CLDN10: variants seen among roughly 807,000 people sequenced by gnomAD.
CLDN10 encodes claudin 10.
In CLDN10, 15 loss-of-function variants were observed where a neutral mutation model predicts 22.9. That is an observed-to-expected ratio of 0.65 (90% confidence interval 0.44 to 1.01). CLDN10 has a LOEUF of 1.01. Among genes scored for constraint, CLDN10 ranks in the 50% least tolerant of loss-of-function variants. CLDN10 has a pLI of 0.00. For missense variants in CLDN10, 247 were observed against 287.8 expected (o/e 0.86, Z 1.03); for synonymous variants, 114 against 111.4 (o/e 1.02, Z -0.15).
chr13:95,556,891 T>C (rs540452062), intron 1 of CLDN10, among the ~76,000 whole-genome samples: 1 of 152,384 alleles, frequency 6.6e-6, no homozygotes, highest in Admixed American at 6.5e-5. Context: ...ACACATAATT[T>C]GGAAAACACT....
chr13:95,577,905 C>A lies in CLDN10; in HGVS notation c.578C>A (p.Thr193Lys). Residue 193 changes from threonine to lysine, a missense_variant, in exon 5 of 5, where the codon ACA becomes AAA. Transcript: ENST00000299339. ...ISDNNKTPRY[T>K]YNGATSVMSS... ...AACTATGTTTTACCTTTCAGATACA[C>A]ATACAACGGGGCCACATCTGTCATG... 6.2e-7 allele frequency: 1 copy of A among 1,608,662 alleles called. No individual in the cohort carries two copies. The highest frequency in any genetic ancestry group is 8.5e-7 in the Non-Finnish European group (1 of 1,175,556).
chr13:95,481,981 T>C (rs1343300441), intron 1 of CLDN10, among the ~76,000 whole-genome samples: 2 of 152,166 alleles, frequency 1.3e-5, no homozygotes, highest in Non-Finnish European at 2.9e-5. Context: ...ATCGCACCAC[T>C]ACACTCCAGC....
At chr13:95,462,964 TA>T (rs2042548319) in intron 1 of CLDN10, among the ~76,000 whole-genome samples, 1 of 152,126 alleles carries the variant, frequency 6.6e-6, no homozygotes, top group South Asian at 2.1e-4. Flanking sequence ...CTTGTTCCCC[TA>T]ATCAGTGGCT....
At chr13:95,505,009 A>G (rs545956885) in intron 1 of CLDN10, among the ~76,000 whole-genome samples, 2 of 152,368 alleles carry the variant, frequency 1.3e-5, no homozygotes, top group East Asian at 3.9e-4. Context: ...AGAACGTTTA[A>G]CTATTGAAGG....
chr13:95,448,955 T>A (rs2042407357), intron 1 of CLDN10, among the ~76,000 whole-genome samples: 1 of 152,062 alleles, frequency 6.6e-6, no homozygotes, highest in South Asian at 2.1e-4. Context: ...GCCAGGCTTG[T>A]CCTGAACTCC....
intron 1 of CLDN10, among the ~76,000 whole-genome samples, chr13:95,465,620 C>T (rs3898012): frequency 0.1 from 15,157 of 152,268 alleles, 1,024 homozygotes; most frequent in East Asian, 0.28. Flanking sequence ...GAGAAATACA[C>T]ACACTTCCTA....
chr13:95,569,118 A>T (rs1190919927), intron 3 of CLDN10, among the ~76,000 whole-genome samples: 1 of 152,232 alleles, frequency 6.6e-6, no homozygotes, highest in African/African-American at 2.4e-5. Flanking sequence ...TTTTAGGGAT[A>T]CTGACCCTAA....
intron 1 of CLDN10, among the ~76,000 whole-genome samples, chr13:95,521,170 A>C (rs1289239643): frequency 1.3e-5 from 2 of 152,114 alleles, no homozygotes; most frequent in African/African-American, 2.4e-5. Context: ...TTCTTATACC[A>C]TTTGTTTCTT....
intron 3 of CLDN10, among the ~76,000 whole-genome samples, chr13:95,573,758 G>C (rs1297722067): frequency 1.4e-5 from 2 of 147,464 alleles, no homozygotes; most frequent in East Asian, 2.0e-4. Flanking sequence ...TAAGTTCTAG[G>C]GTACATGTGC....
exon 1 of CLDN10, chr13:95,433,929 G>A: frequency 1.2e-6 from 2 of 1,614,192 alleles, no homozygotes; most frequent in Non-Finnish European, 1.7e-6. Flanking sequence ...AAGTGACCAC[G>A]CGAGCCTCCT....
intron 1 of CLDN10, among the ~76,000 whole-genome samples, chr13:95,534,968 A>C (rs2043385032): frequency 6.6e-6 from 1 of 152,212 alleles, no homozygotes; most frequent in South Asian, 2.1e-4. Context: ...CACGCCACCA[A>C]GAATGAGAGA....
intron 3 of CLDN10, among the ~76,000 whole-genome samples, chr13:95,568,089 A>G (rs762129344): frequency 5.9e-5 from 9 of 152,196 alleles, no homozygotes; most frequent in Non-Finnish European, 1.2e-4. Context: ...CCTTGTCAAG[A>G]TGTTTAATTT....
Position 95,534,065 on chromosome 13 carries a change from A to C in CLDN10, c.215-26067A>C, listed in dbSNP as rs927231786. Among the ~76,000 whole-genome samples, 6 of 152,174 alleles carry C rather than the reference A, an allele frequency of 3.9e-5. 1 individual carries two copies. The highest frequency in any genetic ancestry group is 4.1e-4 in the South Asian group (2 of 4,826). ...TCCTTTATTAGAGAGCATTTGATTC[A>C]GTTTATAATTACATGGTCACTGAGG... is the stretch of plus-strand genomic sequence containing the variant. On this transcript the variant is annotated intron_variant, in intron 1 of 4. Coordinates refer to the CLDN10 transcript ENST00000376873.
chr13:95,520,019 T>C (rs944621176), intron 1 of CLDN10, among the ~76,000 whole-genome samples: 5 of 127,140 alleles, frequency 3.9e-5, no homozygotes, highest in Admixed American at 7.6e-5. Flanking sequence ...GGGAATATAG[T>C]GTGTGTGTGT....
intron 3 of CLDN10, among the ~76,000 whole-genome samples, chr13:95,572,825 C>T (rs889391632): frequency 1.9e-4 from 29 of 152,170 alleles, no homozygotes; most frequent in African/African-American, 6.8e-4. Context: ...CATGTCATTT[C>T]TGTGTAGGTA....
At chr13:95,515,347 C>T (rs1174242957) in intron 1 of CLDN10, among the ~76,000 whole-genome samples, 1 of 152,204 alleles carries the variant, frequency 6.6e-6, no homozygotes, top group Non-Finnish European at 1.5e-5. Context: ...TACATGCGTG[C>T]ACCACCATGC....
At chr13:95,546,514 A>G (rs1333846210) in intron 1 of CLDN10, among the ~76,000 whole-genome samples, 1 of 152,238 alleles carries the variant, frequency 6.6e-6, no homozygotes, top group Non-Finnish European at 1.5e-5. Context: ...GAAGAAAAAA[A>G]ACTCTCAAAA....
At chr13:95,551,181 A>G (rs1171357453), upstream of CLDN10, among the ~76,000 whole-genome samples, 3 of 152,194 alleles carry the variant, frequency 2.0e-5, no homozygotes, top group African/African-American at 7.2e-5. Context: ...CAAGAGTAGG[A>G]CTTACTTCGT....
intron 1 of CLDN10, among the ~76,000 whole-genome samples, chr13:95,538,460 C>A (rs1214389554): frequency 6.6e-6 from 1 of 152,056 alleles, no homozygotes; most frequent in African/African-American, 2.4e-5. Flanking sequence ...CTATGAATTA[C>A]CAACAAGCAT....
Sources: allele counts gnomAD v4.1 joint callset (sites outside exome capture counted in the v4.1 genomes callset), GRCh38; gene constraint gnomAD v4.1.1; transcripts MANE v1.5; gene names NCBI Gene and HGNC (gene_info 2026-07-23, HGNC 2026-07-21).